Variants in LDLRAD4 observed in about 807,000 individuals in gnomAD.
The protein encoded by LDLRAD4 is low density lipoprotein receptor class A domain containing 4.
LDLRAD4 carries 5 observed loss-of-function variants against 17.0 expected under a neutral mutation model. That is an observed-to-expected ratio of 0.29 (90% CI 0.15 to 0.62). The LOEUF (loss-of-function observed/expected upper bound fraction) is 0.62, where lower values mean the gene tolerates loss of function less well. Among genes scored for constraint, LDLRAD4 ranks in the 20% least tolerant of loss-of-function variants. The pLI, the probability that LDLRAD4 is intolerant of heterozygous loss-of-function variation, is 0.84. For missense variants in LDLRAD4, 340 were observed against 424.7 expected (o/e 0.80, Z 1.75); for synonymous variants, 168 against 171.8 (o/e 0.98, Z 0.17).
chr18:13,259,659 T>A (rs1452606740), intron 1 of LDLRAD4, among the ~76,000 whole-genome samples: 1 of 152,210 alleles, frequency 6.6e-6, no homozygotes, highest in Non-Finnish European at 1.5e-5. Flanking sequence ...TTCTTTCTCC[T>A]GTTTTCTGAT....
chr18:13,498,968 G>A (rs1256270554), intron 3 of LDLRAD4, among the ~76,000 whole-genome samples: 3 of 137,482 alleles, frequency 2.2e-5, no homozygotes, highest in Non-Finnish European at 3.1e-5. Context: ...GTCCTGCTGT[G>A]GACACTGGAG....
intron 1 of LDLRAD4, among the ~76,000 whole-genome samples, chr18:13,333,826 G>A (rs1385828422): frequency 6.6e-6 from 1 of 152,154 alleles, no homozygotes; most frequent in East Asian, 1.9e-4. Flanking sequence ...AAGTCTTAAA[G>A]TCAGGTAGTG....
At position 13,445,623 on chromosome 18, in the gene LDLRAD4, G is replaced by A. The variant is rs578025783; in HGVS notation, c.181+7239G>A. On this transcript the variant is annotated intron_variant, in intron 3 of 5. Transcript: ENST00000359446. ...TACATGTATTCATGAGTGTGTGTGC[G>A]TGTGTGTGTGAGAGAGTCTGATGCA... Among the ~76,000 whole-genome samples the A allele has an allele frequency of 4.2e-5, 6 of 144,088 alleles. No homozygotes were observed. In the South Asian group the frequency reaches 6.4e-4, roughly 15 times the overall value. The allele number at this position is 144,088 out of a possible 152,430, so 94.5% of individuals were successfully genotyped here.
At chr18:13,506,775 G>A (rs993506423) in intron 3 of LDLRAD4, among the ~76,000 whole-genome samples, 1 of 152,194 alleles carries the variant, frequency 6.6e-6, no homozygotes, top group East Asian at 1.9e-4. Flanking sequence ...AATGCAGCTG[G>A]TGACTTTAAA....
At chr18:13,631,248 A>G (rs1488327453) in intron 4 of LDLRAD4, among the ~76,000 whole-genome samples, 2 of 152,226 alleles carry the variant, frequency 1.3e-5, no homozygotes, top group Admixed American at 6.5e-5. Context: ...ATTGTATGCA[A>G]ACCAATTGGA....
chr18:13,224,684 G>A (rs564724033), intron 1 of LDLRAD4, among the ~76,000 whole-genome samples: 1 of 151,748 alleles, frequency 6.6e-6, no homozygotes, highest in East Asian at 1.9e-4. Flanking sequence ...GTTTCAGCGT[G>A]TTAGCCAGGA....
At chr18:13,548,865 C>T (rs2094401204) in intron 3 of LDLRAD4, among the ~76,000 whole-genome samples, 1 of 152,262 alleles carries the variant, frequency 6.6e-6, no homozygotes, top group African/African-American at 2.4e-5. Flanking sequence ...CCATTCTAGA[C>T]AGGCCATTGC....
upstream of LDLRAD4, among the ~76,000 whole-genome samples, chr18:13,275,584 ATAACT>A (rs1567957754): frequency 6.6e-6 from 1 of 152,248 alleles, no homozygotes; most frequent in African/African-American, 2.4e-5. Flanking sequence ...GTAGTCAATA[ATAACT>A]TAATTATATA....
intron 3 of LDLRAD4, among the ~76,000 whole-genome samples, chr18:13,439,627 C>T (rs2146190307): frequency 6.6e-6 from 1 of 152,356 alleles, no homozygotes; most frequent in East Asian, 1.9e-4. Context: ...CTGGAGTCAT[C>T]TGGCCTGCAG....
chr18:13,311,337 G>T (rs569518240), intron 1 of LDLRAD4, among the ~76,000 whole-genome samples: 1 of 152,356 alleles, frequency 6.6e-6, no homozygotes, highest in South Asian at 2.1e-4. Context: ...CCTGCCTACC[G>T]ATCCACCCTC....
chr18:13,293,206 A>G (rs933652172), intron 1 of LDLRAD4, among the ~76,000 whole-genome samples: 2 of 152,180 alleles, frequency 1.3e-5, no homozygotes, highest in Non-Finnish European at 2.9e-5. Flanking sequence ...ATTTTTGGAA[A>G]ACTCACCCTT....
At chr18:13,464,066 A>G (rs530506201) in intron 3 of LDLRAD4, among the ~76,000 whole-genome samples, 6 of 152,308 alleles carry the variant, frequency 3.9e-5, no homozygotes, top group Non-Finnish European at 7.4e-5. Flanking sequence ...ATTTCTCCCA[A>G]TTTAGAGGGT....
intron 1 of LDLRAD4, among the ~76,000 whole-genome samples, chr18:13,250,121 G>T (rs1052189768): frequency 3.3e-5 from 5 of 152,154 alleles, no homozygotes; most frequent in African/African-American, 1.2e-4. Flanking sequence ...AAATCAGTTG[G>T]CTTGTGTATA....
rs141456928 is a variant in LDLRAD4, at chr18:13,408,029, C to T, written c.40+20267C>T. ...GTATTTTCTTTTTCTTTCTTGTTGG[C>T]ACACAAAATATAGTGTGTTACAATT... On this transcript the variant is annotated intron_variant, in intron 2 of 5. Transcript: ENST00000359446. Among the ~76,000 whole-genome samples, 118 of 152,182 alleles carry T rather than the reference C, an allele frequency of 7.8e-4. No homozygotes were observed. The East Asian group carries it at 0.012, about 15-fold the overall frequency.
At chr18:13,447,732 C>T (rs1472145933) in intron 3 of LDLRAD4, among the ~76,000 whole-genome samples, 3 of 152,128 alleles carry the variant, frequency 2.0e-5, no homozygotes, top group African/African-American at 2.4e-5. Flanking sequence ...ATTCCTGCTT[C>T]GCAAAGGGAA....
chr18:13,588,755 G>A lies in LDLRAD4; in HGVS notation c.182-32362G>A, dbSNP rs115492995. 1.2e-3 allele frequency among the ~76,000 whole-genome samples: 179 copies of A among 152,052 alleles called. 1 individual carries two copies. Among genetic ancestry groups the A allele is most frequent in the African/African-American group, 3.9e-3 (162 of 41,496 alleles). On this transcript the variant is annotated intron_variant, in intron 3 of 5. Coordinates refer to ENST00000359446, the Ensembl canonical transcript of LDLRAD4. ...GTCGACACAATCCACTCATGTCACC[G>A]CTAGTTTCTTGAAACTATCTTGACC...
chr18:13,346,222 A>G (rs534805297), intron 1 of LDLRAD4, among the ~76,000 whole-genome samples: 16 of 152,242 alleles, frequency 1.1e-4, no homozygotes, highest in South Asian at 8.3e-4. Flanking sequence ...ATTTAGTGCT[A>G]TAAGTTTCCC....
chr18:13,625,577 C>G (rs1032618837), intron 4 of LDLRAD4, among the ~76,000 whole-genome samples: 2 of 152,152 alleles, frequency 1.3e-5, no homozygotes, highest in African/African-American at 2.4e-5. Flanking sequence ...GTGACTGCCC[C>G]GCTGCCTTCT....
At chr18:13,474,899 T>G (rs1364442533) in intron 3 of LDLRAD4, among the ~76,000 whole-genome samples, 2 of 152,148 alleles carry the variant, frequency 1.3e-5, no homozygotes, top group Non-Finnish European at 2.9e-5. Flanking sequence ...GGTGGAGGAT[T>G]CCTCATGGTT....
Sources: allele counts gnomAD v4.1 joint callset (sites outside exome capture counted in the v4.1 genomes callset), GRCh38; gene constraint gnomAD v4.1.1; transcripts MANE v1.5; gene names NCBI Gene and HGNC (gene_info 2026-07-23, HGNC 2026-07-21).